Variants in BTBD9 observed in about 807,000 individuals in gnomAD.
The protein encoded by BTBD9 is BTB domain containing 9.
A neutral mutation model predicts 64.3 loss-of-function variants in BTBD9; 49 were observed. That is an observed-to-expected ratio of 0.76 (90% CI 0.61 to 0.97). The LOEUF is 0.97. Among genes scored for constraint, BTBD9 ranks in the 50% least tolerant of loss-of-function variants. BTBD9 has a pLI of 0.00. For missense variants in BTBD9, 598 were observed against 762.1 expected (o/e 0.78, Z 2.53); for synonymous variants, 260 against 274.7 (o/e 0.95, Z 0.53).
At chr6:38,326,823 C>T (rs542975448) in intron 7 of BTBD9, among the ~76,000 whole-genome samples, 3 of 151,752 alleles carry the variant, frequency 2.0e-5, no homozygotes, top group East Asian at 1.9e-4. Flanking sequence ...TCCCCACAGC[C>T]GTGGGGCCTG....
intron 6 of BTBD9, among the ~76,000 whole-genome samples, chr6:38,489,738 T>A (rs543383365): frequency 3.3e-5 from 5 of 152,360 alleles, no homozygotes; most frequent in African/African-American, 9.6e-5. Context: ...CTGACGTTGA[T>A]CCTTTCTTCA....
At chr6:38,543,905 C>T (rs939536332) in intron 6 of BTBD9, among the ~76,000 whole-genome samples, 3 of 150,064 alleles carry the variant, frequency 2.0e-5, no homozygotes, top group African/African-American at 7.4e-5. Context: ...TGCAGTGAGC[C>T]GAGATCGCGC....
At position 38,510,553 on chromosome 6, in the gene BTBD9, A is replaced by T. The variant is rs532983534; in HGVS notation, c.1154+67047T>A. On this transcript the variant is annotated intron_variant, in intron 6 of 10. Coordinates refer to ENST00000481247, the MANE Select transcript of BTBD9 (RefSeq NM_001099272.2). ...CTTCAGTAGTAATTAAACTTAGCTT[A>T]CTGAAACTTTAATGCTTTATAAACT... Among the ~76,000 whole-genome samples, 3 of 152,290 alleles carry T rather than the reference A, an allele frequency of 2.0e-5. No individual in the cohort carries two copies. In the South Asian group the frequency reaches 6.2e-4, roughly 32 times the overall value.
At chr6:38,529,578 T>TCACATGTTGCGG (rs1773686434) in intron 6 of BTBD9, among the ~76,000 whole-genome samples, 1 of 152,176 alleles carries the variant, frequency 6.6e-6, no homozygotes, top group African/African-American at 2.4e-5. Context: ...AAACATGACC[T>TCACATGTTGCGG]CACATGTTGC....
At chr6:38,484,609 G>A (rs1288013025) in intron 6 of BTBD9, among the ~76,000 whole-genome samples, 1 of 152,118 alleles carries the variant, frequency 6.6e-6, no homozygotes. Context: ...AGATGTCATG[G>A]GTTCAGTTTA....
At chr6:38,187,635 G>T (rs1166078681) in intron 10 of BTBD9, among the ~76,000 whole-genome samples, 1 of 152,120 alleles carries the variant, frequency 6.6e-6, no homozygotes, top group Non-Finnish European at 1.5e-5. Context: ...ACAGTGGGGG[G>T]GAGTGAAAGT....
chr6:38,359,067 G>A (rs1247467300), intron 6 of BTBD9, among the ~76,000 whole-genome samples: 4 of 152,136 alleles, frequency 2.6e-5, no homozygotes, highest in African/African-American at 7.2e-5. Flanking sequence ...CACCGCGCCC[G>A]GCCGGATTGT....
intron 8 of BTBD9, among the ~76,000 whole-genome samples, chr6:38,274,498 A>G (rs531586403): frequency 6.6e-6 from 1 of 152,250 alleles, no homozygotes; most frequent in Admixed American, 6.5e-5. Context: ...CCCATTCAGT[A>G]TGATATTGGC....
At chr6:38,268,946 T>C (rs913846128) in intron 8 of BTBD9, among the ~76,000 whole-genome samples, 4 of 152,216 alleles carry the variant, frequency 2.6e-5, no homozygotes, top group African/African-American at 9.6e-5. Context: ...CTCTATCTAC[T>C]TGTCCTGGAA....
intron 6 of BTBD9, among the ~76,000 whole-genome samples, chr6:38,396,897 C>CTTTTTTTTTTT (rs146597621): frequency 2.0e-4 from 22 of 107,342 alleles, no homozygotes; most frequent in Admixed American, 6.4e-4. Flanking sequence ...TTTTCTTTTT[C>CTTTTTTTTTTT]TTTTTTTTTT....
chr6:38,376,414 A>C (rs1765698114), intron 6 of BTBD9, among the ~76,000 whole-genome samples: 1 of 152,206 alleles, frequency 6.6e-6, no homozygotes, highest in Non-Finnish European at 1.5e-5. Flanking sequence ...AAATTAAAAG[A>C]AGGAAAATTT....
At chr6:38,534,186 C>T (rs1773915866) in intron 6 of BTBD9, among the ~76,000 whole-genome samples, 1 of 151,808 alleles carries the variant, frequency 6.6e-6, no homozygotes, top group Non-Finnish European at 1.5e-5. Flanking sequence ...AAAAATGAGA[C>T]TTTACAACTG....
At chr6:38,575,654 T>C (rs1775989560) in intron 6 of BTBD9, among the ~76,000 whole-genome samples, 1 of 152,150 alleles carries the variant, frequency 6.6e-6, no homozygotes, top group South Asian at 2.1e-4. Context: ...TATAACCTAG[T>C]AAAAAAGACA....
At chr6:38,389,522 C>A (rs1344195079) in intron 6 of BTBD9, among the ~76,000 whole-genome samples, 2 of 152,228 alleles carry the variant, frequency 1.3e-5, no homozygotes, top group African/African-American at 4.8e-5. Context: ...TCATTCACAA[C>A]TGACTATGCT....
At chr6:38,284,033 T>C (rs935074562) in intron 8 of BTBD9, among the ~76,000 whole-genome samples, 3 of 152,226 alleles carry the variant, frequency 2.0e-5, no homozygotes, top group Non-Finnish European at 4.4e-5. Flanking sequence ...GTCACAAGCA[T>C]TGGTGGCTAA....
intron 6 of BTBD9, among the ~76,000 whole-genome samples, chr6:38,464,457 C>T (rs1376121380): frequency 4.0e-5 from 6 of 149,464 alleles, no homozygotes; most frequent in Non-Finnish European, 5.9e-5. Flanking sequence ...TTTTTAAATT[C>T]TGTGTTCCAT....
chr6:38,367,010 C>T (rs1295703961), intron 6 of BTBD9, among the ~76,000 whole-genome samples: 1 of 152,166 alleles, frequency 6.6e-6, no homozygotes, highest in Non-Finnish European at 1.5e-5. Flanking sequence ...ATTCAAAGGG[C>T]CGAGTTGTTT....
intron 7 of BTBD9, among the ~76,000 whole-genome samples, chr6:38,310,008 G>A (rs749304697): frequency 1.4e-4 from 22 of 152,092 alleles, no homozygotes; most frequent in Non-Finnish European, 2.9e-4. Flanking sequence ...AGAGAAAAAG[G>A]TGAGACATAA....
rs530774318 is a variant in BTBD9, at chr6:38,221,648, A to G, written c.1563-29051T>C. On this transcript the variant is annotated intron_variant, in intron 9 of 10. Coordinates refer to ENST00000481247, the MANE Select transcript of BTBD9 (RefSeq NM_001099272.2). ...GGAAAAGAACAGTAATAACAACCCAATAACAATATTACAGACTTCCCTCTG... is the reference window on the plus strand; with the variant it reads ...GGAAAAGAACAGTAATAACAACCCAGTAACAATATTACAGACTTCCCTCTG... Among the ~76,000 whole-genome samples the G allele has an allele frequency of 1.4e-4, 21 of 152,324 alleles. No individual in the cohort carries two copies. The South Asian group carries it at 3.7e-3, about 27-fold the overall frequency.
Sources: allele counts gnomAD v4.1 joint callset (sites outside exome capture counted in the v4.1 genomes callset), GRCh38; gene constraint gnomAD v4.1.1; transcripts MANE v1.5; gene names NCBI Gene and HGNC (gene_info 2026-07-23, HGNC 2026-07-21).